FHOD3: variants seen among roughly 807,000 people sequenced by gnomAD.
FHOD3 encodes formin homology 2 domain containing 3, also known as FH1/FH2 domain-containing protein 3.
A neutral mutation model predicts 173.0 loss-of-function variants in FHOD3; 90 were observed. The observed-to-expected ratio is 0.52, with a 90% CI of 0.44 to 0.62. FHOD3 has a LOEUF of 0.62. Ranked by LOEUF, FHOD3 falls within the 20% of genes least tolerant of loss-of-function variation. FHOD3 has a pLI of 0.00. For synonymous variants in FHOD3, 828 were observed against 823.0 expected (o/e 1.01, Z -0.10); for missense variants, 1,945 against 2,034.7 (o/e 0.96, Z 0.85).
At chr18:36,631,675 A>G (rs539893150) in intron 10 of FHOD3, among the ~76,000 whole-genome samples, 3 of 152,164 alleles carry the variant, frequency 2.0e-5, no homozygotes, top group Non-Finnish European at 4.4e-5. Context: ...CAGGGAGTTG[A>G]AGCACCTTGC....
At position 36,524,991 on chromosome 18, in the gene FHOD3, A is replaced by G. The variant is rs188372208; in HGVS notation, c.511+12448A>G. The stretch of plus-strand genomic sequence containing the variant: ...GTGCTAACAGGAGGGAATTTATAAT[A>G]TAGTAGGGGAAGTGACATAAATCCT... On this transcript the variant is annotated intron_variant, in intron 5 of 28. Coordinates refer to ENST00000590592, the MANE Select transcript of FHOD3 (RefSeq NM_001281740.3). Among the ~76,000 whole-genome samples the G allele has an allele frequency of 9.2e-5, 14 of 152,318 alleles. No individual in the cohort carries two copies. In the East Asian group the frequency reaches 2.5e-3, roughly 27 times the overall value.
At chr18:36,479,457 AG>A (rs2053761279) in intron 3 of FHOD3, among the ~76,000 whole-genome samples, 1 of 152,156 alleles carries the variant, frequency 6.6e-6, no homozygotes, top group South Asian at 2.1e-4. Context: ...TTAAGTGTGT[AG>A]CCATCTATGT....
chr18:36,440,241 C>T (rs577946312), intron 3 of FHOD3, among the ~76,000 whole-genome samples: 2 of 152,318 alleles, frequency 1.3e-5, no homozygotes, highest in East Asian at 1.9e-4. Context: ...ACAAGGGGAG[C>T]ACTCAAGCTC....
chr18:36,404,403 T>A (rs1175535710), intron 3 of FHOD3, among the ~76,000 whole-genome samples: 1 of 152,208 alleles, frequency 6.6e-6, no homozygotes. Context: ...ATGGAGTTGA[T>A]AAAATGAATT....
At position 36,380,578 on chromosome 18, in the gene FHOD3, T is replaced by TTTTCCTTTCCTTTCC. The variant is rs71381571; in HGVS notation, c.337+7884_337+7898dup. On this transcript the variant is annotated intron_variant, in intron 3 of 28. Coordinates refer to ENST00000590592, the MANE Select transcript of FHOD3 (RefSeq NM_001281740.3). ...TTTTCTTTTCTTTTCTTTTCTTTTC[T>TTTTCCTTTCCTTTCC]TTTCCTTTCCTTTCCTTTCCTTTCC... Among the ~76,000 whole-genome samples, 453 of 52,450 alleles carry TTTTCCTTTCCTTTCC rather than the reference T, an allele frequency of 8.6e-3. 19 individuals are homozygous for TTTTCCTTTCCTTTCC. The highest frequency in any genetic ancestry group is 0.023 in the African/African-American group (279 of 12,298). 34.4% of individuals were successfully genotyped at this position (52,450 alleles called of 152,430 possible). A position where few individuals can be genotyped will look rare whatever the true frequency, so the allele number is the denominator to read the frequency against.
At chr18:36,683,266 T>C (rs1000768892) in intron 15 of FHOD3, among the ~76,000 whole-genome samples, 3 of 152,236 alleles carry the variant, frequency 2.0e-5, no homozygotes, top group Non-Finnish European at 4.4e-5. Flanking sequence ...TGGCATATTT[T>C]ACCACCAAAT....
At chr18:36,644,496 G>A (rs7231406) in intron 10 of FHOD3, among the ~76,000 whole-genome samples, 10,490 of 152,260 alleles carry the variant, frequency 0.069, 445 homozygotes, top group Middle Eastern at 0.17. Flanking sequence ...TGGTCATAGG[G>A]CATCCTGGAC....
chr18:36,584,439 T>C lies in FHOD3; in HGVS notation c.606+7894T>C, dbSNP rs2058958223. ...GTAAATATACTGCAATAGCATGAGA[T>C]GTACTCAGCCAGCAAATTCTATATG... On this transcript the variant is annotated intron_variant, in intron 6 of 28. Transcript: ENST00000590592. 2.6e-5 allele frequency among the ~76,000 whole-genome samples: 4 copies of C among 152,218 alleles called. No homozygotes were observed. In the South Asian group the frequency reaches 8.3e-4, roughly 32 times the overall value.
At chr18:36,637,499 G>A (rs1378404345) in intron 10 of FHOD3, among the ~76,000 whole-genome samples, 2 of 151,996 alleles carry the variant, frequency 1.3e-5, no homozygotes, top group East Asian at 1.9e-4. Flanking sequence ...CACGTGACCC[G>A]CCTGCCTCAG....
intron 20 of FHOD3, among the ~76,000 whole-genome samples, chr18:36,739,328 G>T (rs953040009): frequency 1.3e-5 from 2 of 152,158 alleles, no homozygotes; most frequent in African/African-American, 4.8e-5. Flanking sequence ...CTGACTCTGG[G>T]CACACTGCCT....
chr18:36,776,907 TAA>T (rs1366615152), intron 28 of FHOD3, among the ~76,000 whole-genome samples: 2 of 152,210 alleles, frequency 1.3e-5, no homozygotes, highest in Admixed American at 1.3e-4. Context: ...CCGAAGCTAT[TAA>T]AAGATTGTTA....
At chr18:36,438,100 C>T (rs1043613564) in intron 3 of FHOD3, among the ~76,000 whole-genome samples, 4 of 152,146 alleles carry the variant, frequency 2.6e-5, no homozygotes, top group Non-Finnish European at 5.9e-5. Flanking sequence ...CTGTTAGGAA[C>T]CTCCATGAAG....
chr18:36,554,498 G>T (rs554960779), intron 5 of FHOD3, among the ~76,000 whole-genome samples: 1 of 141,704 alleles, frequency 7.1e-6, no homozygotes, highest in East Asian at 2.4e-4. Flanking sequence ...GGGTGGGGGT[G>T]GGGGAGGGAT....
At chr18:36,509,385 C>T (rs1260304922) in intron 4 of FHOD3, among the ~76,000 whole-genome samples, 2 of 146,782 alleles carry the variant, frequency 1.4e-5, no homozygotes, top group Admixed American at 1.4e-4. Flanking sequence ...TGAGATCGCG[C>T]CACTGCATTC....
intron 3 of FHOD3, among the ~76,000 whole-genome samples, chr18:36,481,747 A>C (rs2053910290): frequency 6.6e-6 from 1 of 152,238 alleles, no homozygotes; most frequent in Admixed American, 6.5e-5. Context: ...ATAAACTGTC[A>C]AAGACAAAGG....
intron 3 of FHOD3, among the ~76,000 whole-genome samples, chr18:36,454,373 A>G (rs1338406381): frequency 6.6e-6 from 1 of 152,136 alleles, no homozygotes; most frequent in Admixed American, 6.5e-5. Context: ...GAGCGCATAT[A>G]GGAGCACACA....
intron 27 of FHOD3, among the ~76,000 whole-genome samples, chr18:36,762,310 AG>A (rs1487850527): frequency 3.9e-5 from 6 of 152,320 alleles, no homozygotes; most frequent in South Asian, 4.1e-4. Context: ...CTGCTGTCCA[AG>A]GAGGACCTCA....
intron 24 of FHOD3, among the ~76,000 whole-genome samples, chr18:36,749,928 G>A (rs773019127): frequency 6.6e-6 from 1 of 151,654 alleles, no homozygotes; most frequent in East Asian, 1.9e-4. Context: ...TTTCTCTGAT[G>A]ATCAGTGATG....
At chr18:36,628,180 C>T (rs925872807) in intron 10 of FHOD3, among the ~76,000 whole-genome samples, 1 of 152,218 alleles carries the variant, frequency 6.6e-6, no homozygotes, top group Non-Finnish European at 1.5e-5. Flanking sequence ...CGATCATCCT[C>T]TGTAAGATTC....
Sources: allele counts gnomAD v4.1 joint callset (sites outside exome capture counted in the v4.1 genomes callset), GRCh38; gene constraint gnomAD v4.1.1; transcripts MANE v1.5; gene names NCBI Gene and HGNC (gene_info 2026-07-23, HGNC 2026-07-21).